MYLK: variants seen among roughly 807,000 people sequenced by gnomAD.
MYLK encodes myosin light chain kinase.
A neutral mutation model predicts 203.4 loss-of-function variants in MYLK; 106 were observed. That is an observed-to-expected ratio of 0.52 (90% CI 0.45 to 0.61). MYLK has a LOEUF of 0.61. Among genes scored for constraint, MYLK ranks in the 20% least tolerant of loss-of-function variants. The pLI is 0.00. For missense variants in MYLK, 2,072 were observed against 2,442.3 expected, an observed-to-expected ratio of 0.85 and a Z score of 3.20; for synonymous variants, 867 against 959.5, an observed-to-expected ratio of 0.90 and a Z score of 1.78.
intron 27 of MYLK, among the ~76,000 whole-genome samples, chr3:123,646,582 G>T (rs574360380): frequency 1.1e-4 from 17 of 152,342 alleles, no homozygotes; most frequent in African/African-American, 3.8e-4. Flanking sequence ...AGGTAAGGGA[G>T]GTGGAGGATT....
At chr3:123,618,234 G>A (rs1027946384) in intron 33 of MYLK, 7 of 246,208 alleles carry the variant, frequency 2.8e-5, no homozygotes, top group Admixed American at 5.1e-5. Flanking sequence ...AGAGCCTGCC[G>A]ATTCCACATC....
intron 24 of MYLK, among the ~76,000 whole-genome samples, chr3:123,655,614 T>A (rs2059367986): frequency 6.6e-6 from 1 of 152,156 alleles, no homozygotes. Context: ...GTTACTCAAG[T>A]CAGGAACCTG....
At chr3:123,845,306 T>C (rs1057490456) in intron 2 of MYLK, among the ~76,000 whole-genome samples, 3 of 152,126 alleles carry the variant, frequency 2.0e-5, no homozygotes, top group Non-Finnish European at 4.4e-5. Flanking sequence ...GAGAGACTGG[T>C]ACCCTCTAGG....
intron 11 of MYLK, 65 bp from the exon 12 acceptor site, chr3:123,726,143 A>C (rs548107858): frequency 6.2e-7 from 1 of 1,602,718 alleles, no homozygotes; most frequent in East Asian, 2.3e-5. Flanking sequence ...GCCTGCAGTC[A>C]CCCCAGCCTC....
intron 24 of MYLK, among the ~76,000 whole-genome samples, chr3:123,656,352 G>T (rs185585805): frequency 6.6e-6 from 1 of 152,128 alleles, no homozygotes; most frequent in Admixed American, 6.5e-5. Context: ...TCGATCCCCT[G>T]CCTGAGAATC....
chr3:123,689,685 A>T (rs2060588520), intron 19 of MYLK: 1 of 152,244 alleles, frequency 6.6e-6, no homozygotes, highest in Non-Finnish European at 1.5e-5. Context: ...TGGCCAGGAC[A>T]GGCATTGAAG....
intron 14 of MYLK, chr3:123,709,128 C>A: frequency 8.1e-5 from 27 of 331,566 alleles, no homozygotes; most frequent in Non-Finnish European, 1.1e-4. Context: ...GGGAAGTTCT[C>A]ACATAATTTT....
intron 13 of MYLK, among the ~76,000 whole-genome samples, chr3:123,715,174 G>A (rs899450956): frequency 1.3e-5 from 2 of 152,196 alleles, no homozygotes; most frequent in Admixed American, 6.6e-5. Context: ...TGTTTTTGAA[G>A]CCAGTTCCTA....
Position 123,618,662 on chromosome 3 carries a change from G to A in MYLK, c.5477C>T (p.Ala1826Val), listed in dbSNP as rs147187907. 953 of 1,613,984 alleles carry A rather than the reference G, an allele frequency of 5.9e-4. 1 individual carries two copies. Among genetic ancestry groups the A allele is most frequent in the Middle Eastern group, 9.9e-4 (6 of 6,080 alleles). Residue 1826 changes from alanine to valine, a missense_variant, in exon 33 of 34, where the codon GCT (alanine) becomes GTT (valine). Ala to Val is a moderately conservative substitution (Grantham distance 64, BLOSUM62 0). Transcript: ENST00000360304. The stretch of plus-strand genomic sequence containing the variant: ...ACCTTCAATCTTGCAGTCAAATCTA[G>A]CAGCACTTCCCTCCACAACTTCTAA... The part of the protein sequence containing the change: ...RDLEVVEGSA[A>V]RFDCKIEGYP...
At chr3:123,709,973 A>G in intron 13 of MYLK, 80 bp from the exon 14 acceptor site, 6 of 1,576,470 alleles carry the variant, frequency 3.8e-6, no homozygotes, top group Non-Finnish European at 5.2e-6. Flanking sequence ...CACTTGGTAC[A>G]TGACTGTGTT....
chr3:123,791,077 C>T (rs1013208738), intron 4 of MYLK, among the ~76,000 whole-genome samples: 23 of 152,242 alleles, frequency 1.5e-4, no homozygotes, highest in African/African-American at 5.3e-4. Context: ...GGACTGGTTC[C>T]GTGACGATTG....
At chr3:123,752,268 C>T (rs1279808440) in intron 5 of MYLK, 63 bp downstream of exon 5, 21 of 1,541,266 alleles carry the variant, frequency 1.4e-5, no homozygotes, top group Non-Finnish European at 1.9e-5. Flanking sequence ...AAGGCAGGAG[C>T]TGCAGGCCTT....
intron 3 of MYLK, chr3:123,814,304 TG>T: frequency 6.1e-6 from 1 of 162,934 alleles, no homozygotes; most frequent in South Asian, 1.5e-4. Context: ...TCCAGGAACC[TG>T]TTATTTCACA....
At chr3:123,814,144 A>G (rs2065658179) in intron 3 of MYLK, 1 of 368,872 alleles carries the variant, frequency 2.7e-6, no homozygotes, top group East Asian at 8.4e-5. Flanking sequence ...TGCCACAGAA[A>G]CACTGACTCA....
chr3:123,688,085 G>C (rs958390648), intron 19 of MYLK, among the ~76,000 whole-genome samples: 2 of 151,550 alleles, frequency 1.3e-5, no homozygotes, highest in African/African-American at 4.9e-5. Flanking sequence ...AGTCTTCTTC[G>C]CAGGCCCCTG....
At position 123,647,204 on chromosome 3, in the gene MYLK, G is replaced by C. The variant is rs773087871; in HGVS notation, c.4619+20C>G. On this transcript the variant is annotated intron_variant, in intron 27 of 33. Transcript: ENST00000360304. ...GGGGGCTCCCTGTGGTGCCCACGCTGCTGGCAGTGGGCCACTCACATCTCC... is the reference window on the plus strand; with the variant it reads ...GGGGGCTCCCTGTGGTGCCCACGCTCCTGGCAGTGGGCCACTCACATCTCC... 2 of 1,611,506 alleles carry C rather than the reference G, an allele frequency of 1.2e-6. No individual in the cohort carries two copies. The highest frequency in any genetic ancestry group is 2.2e-5 in the South Asian group (2 of 90,960).
In MYLK at chr3:123,649,008, C is replaced by T; in HGVS notation, c.4378G>A (p.Val1460Ile). Residue 1460 changes from valine (V) to isoleucine (I), a missense_variant, in exon 26 of 34, where the codon GTA becomes ATA. Coordinates refer to ENST00000360304, the MANE Select transcript of MYLK (RefSeq NM_053025.4). ...TCCTCAATGTCGTAGAAGTCAGATA[C>T]TTTTTGTTCAGTATTGATTGTCACT... ...RTVTINTEQK[V>I]SDFYDIEERL... 1 of 1,614,194 alleles carries T rather than the reference C, an allele frequency of 6.2e-7. No individual in the cohort carries two copies. The highest frequency in any genetic ancestry group is 8.5e-7 in the Non-Finnish European group (1 of 1,180,040).
chr3:123,638,092 A>G lies in MYLK; in HGVS notation c.4940T>C (p.Ile1647Thr). The change falls in exon 29 of 34, where the codon ATC becomes ACC. Residue 1647 changes from isoleucine to threonine, a missense_variant. Transcript: ENST00000360304. ...TCACAGGATGTAGCAGATGACCCCGATGCTCCACATGTCTGTGGCGTAGCC... is the reference window on the plus strand; with the variant it reads ...TCACAGGATGTAGCAGATGACCCCGGTGCTCCACATGTCTGTGGCGTAGCC... ...PIGYATDMWS[I>T]GVICYILVSG... The G allele has an allele frequency of 6.2e-7, 1 of 1,614,082 alleles. No homozygotes were observed. Among genetic ancestry groups the G allele is most frequent in the Non-Finnish European group, 8.5e-7 (1 of 1,180,026 alleles).
Position 123,725,853 on chromosome 3 carries a change from G to A in MYLK, c.1651+91C>T, listed in dbSNP as rs1238295083. The stretch of plus-strand genomic sequence containing the variant: ...TTCTCATACCACCAGGATGTCCAAG[G>A]CATAAATGGCTCAGAGGGATAAGTG... On this transcript the variant is annotated intron_variant, in intron 12 of 33. Transcript: ENST00000360304. 5.9e-6 allele frequency: 9 copies of A among 1,533,106 alleles called. No homozygotes were observed. In the Admixed American group the frequency reaches 7.3e-5, roughly 13 times the overall value. 95.0% of individuals were successfully genotyped at this position (1,533,106 alleles called of 1,614,324 possible).
Sources: allele counts gnomAD v4.1 joint callset (sites outside exome capture counted in the v4.1 genomes callset), GRCh38; gene constraint gnomAD v4.1.1; transcripts MANE v1.5; gene names NCBI Gene and HGNC (gene_info 2026-07-23, HGNC 2026-07-21).